The following TASP1 variants were observed in gnomAD, a reference collection of about 807,000 sequenced individuals.
The protein encoded by TASP1 is threonine aspartase 1.
In TASP1, 16 loss-of-function variants were observed where a neutral mutation model predicts 56.6. That is an observed-to-expected ratio of 0.28 (90% CI 0.19 to 0.43). The LOEUF (loss-of-function observed/expected upper bound fraction) is 0.43, where lower values mean the gene tolerates loss of function less well. TASP1 is among the 20% of genes least tolerant of loss of function. The pLI is 1.00. For missense variants in TASP1, 393 were observed against 511.6 expected (o/e 0.77, Z 2.24); for synonymous variants, 179 against 184.2 (o/e 0.97, Z 0.23).
chr20:13,135,210 G>A, the TASP1 span, among the ~76,000 whole-genome samples: 1 of 152,166 alleles, frequency 6.6e-6, no homozygotes, highest in Admixed American at 6.5e-5. Flanking sequence ...TCTTCAATGG[G>A]TAGGATCAAT....
At chr20:13,565,477 T>C (rs960740593) in intron 7 of TASP1, among the ~76,000 whole-genome samples, 5 of 152,076 alleles carry the variant, frequency 3.3e-5, no homozygotes, top group African/African-American at 7.2e-5. Flanking sequence ...CCAGAACATA[T>C]GAAGAATTCC....
chr20:13,189,530 G>C, the TASP1 span, among the ~76,000 whole-genome samples: 1 of 152,006 alleles, frequency 6.6e-6, no homozygotes, highest in Non-Finnish European at 1.5e-5. Flanking sequence ...ACATCTCAAA[G>C]TGGCCAACAA....
the TASP1 span, among the ~76,000 whole-genome samples, chr20:13,376,622 A>G: frequency 2.0e-5 from 3 of 152,270 alleles, no homozygotes; most frequent in South Asian, 4.2e-4. Context: ...AATAAAGTCA[A>G]TGGTAGCTTG....
At chr20:13,496,978 A>C (rs769014004) in intron 10 of TASP1, among the ~76,000 whole-genome samples, 1 of 152,238 alleles carries the variant, frequency 6.6e-6, no homozygotes, top group Non-Finnish European at 1.5e-5. Context: ...AGATGAGGAC[A>C]AGAAATTAGT....
chr20:13,511,599 T>G, intron 10 of TASP1, among the ~76,000 whole-genome samples: 1 of 152,018 alleles, frequency 6.6e-6, no homozygotes, highest in East Asian at 1.9e-4. Context: ...AGTTCCGGGT[T>G]TTTTTATTAT....
chr20:13,534,557 T>C (rs2045344850), intron 8 of TASP1, among the ~76,000 whole-genome samples: 1 of 152,208 alleles, frequency 6.6e-6, no homozygotes, highest in Admixed American at 6.5e-5. Flanking sequence ...TTTCTTTAAG[T>C]ATTATATACA....
At chr20:13,315,563 C>T in the TASP1 span, among the ~76,000 whole-genome samples, 1 of 152,066 alleles carries the variant, frequency 6.6e-6, no homozygotes, top group Admixed American at 6.6e-5. Flanking sequence ...TGCAAAAAGA[C>T]ATAGATGAAT....
the TASP1 span, among the ~76,000 whole-genome samples, chr20:13,251,713 T>C: frequency 6.6e-6 from 1 of 152,218 alleles, no homozygotes; most frequent in Non-Finnish European, 1.5e-5. Context: ...TTCTCAAGCC[T>C]GCTTTCAAAA....
chr20:13,469,897 T>C (rs1371663846), intron 11 of TASP1, among the ~76,000 whole-genome samples: 1 of 141,380 alleles, frequency 7.1e-6, no homozygotes, highest in African/African-American at 2.6e-5. Flanking sequence ...CAACCTCTGC[T>C]TCCTGGGTTC....
intron 4 of TASP1, among the ~76,000 whole-genome samples, chr20:13,613,258 T>C (rs1487261272): frequency 2.9e-4 from 44 of 152,302 alleles, no homozygotes; most frequent in Non-Finnish European, 4.4e-5. Context: ...CATTATTTAT[T>C]ATCATGGGAC....
the TASP1 span, among the ~76,000 whole-genome samples, chr20:13,276,102 G>A: frequency 6.6e-6 from 1 of 152,222 alleles, no homozygotes; most frequent in Non-Finnish European, 1.5e-5. Flanking sequence ...GGAAGAAGGG[G>A]TAGAATAATC....
intron 4 of TASP1, among the ~76,000 whole-genome samples, chr20:13,598,303 CA>C (rs1447595157): frequency 6.6e-6 from 1 of 152,100 alleles, no homozygotes; most frequent in Non-Finnish European, 1.5e-5. Flanking sequence ...CTACAGTAAC[CA>C]AAACAGCATA....
chr20:13,447,817 G>T (rs2043466571), intron 11 of TASP1, among the ~76,000 whole-genome samples: 1 of 151,938 alleles, frequency 6.6e-6, no homozygotes, highest in Non-Finnish European at 1.5e-5. Flanking sequence ...GATCTTTATT[G>T]GGTACTTGTA....
chr20:13,238,920 C>G, the TASP1 span: 1 of 152,244 alleles, frequency 6.6e-6, no homozygotes, highest in Non-Finnish European at 1.5e-5. Context: ...TGGAAAAAGG[C>G]TAACAACTCA....
At chr20:13,494,272 A>C (rs1238023596) in intron 10 of TASP1, among the ~76,000 whole-genome samples, 1 of 152,180 alleles carries the variant, frequency 6.6e-6, no homozygotes, top group Admixed American at 6.5e-5. Context: ...CATTTGAAAA[A>C]CTAAATGGCT....
intron 4 of TASP1, among the ~76,000 whole-genome samples, chr20:13,612,970 G>C (rs1478733032): frequency 6.6e-6 from 1 of 152,082 alleles, no homozygotes; most frequent in Non-Finnish European, 1.5e-5. Flanking sequence ...ATAGAGGATG[G>C]GTTTGAAGGA....
chr20:13,533,142 GA>G (rs1051828176), intron 9 of TASP1, among the ~76,000 whole-genome samples: 1 of 152,080 alleles, frequency 6.6e-6, no homozygotes, highest in Non-Finnish European at 1.5e-5. Context: ...TAACCATCAT[GA>G]AAAAAGTAAC....
rs188712822 is a variant in TASP1, at chr20:13,613,789, A to G, written c.282+9657T>C. Among the ~76,000 whole-genome samples, 570 of 152,234 alleles carry G rather than the reference A, an allele frequency of 3.7e-3. 1 individual carries two copies. The highest frequency in any genetic ancestry group is 0.01 in the Middle Eastern group (3 of 294). ...TTCAAGAATTAATGAACTTTAACCA[A>G]TAAGTTTCAGCAGAGTTAGCCACAA... On this transcript the variant is annotated intron_variant, in intron 4 of 13. Transcript: ENST00000337743.
the TASP1 span, among the ~76,000 whole-genome samples, chr20:13,124,928 GAGGA>G: frequency 6.6e-6 from 1 of 152,198 alleles, no homozygotes; most frequent in East Asian, 1.9e-4. Flanking sequence ...TCACCTTCAT[GAGGA>G]AGGAAGACAT....
Sources: allele counts gnomAD v4.1 joint callset (sites outside exome capture counted in the v4.1 genomes callset), GRCh38; gene constraint gnomAD v4.1.1; transcripts MANE v1.5; gene names NCBI Gene and HGNC (gene_info 2026-07-23, HGNC 2026-07-21).